COPB1: variants seen among roughly 807,000 people sequenced by gnomAD.
The protein encoded by COPB1 is coatomer subunit beta.
In COPB1, 21 loss-of-function variants were observed where a neutral mutation model predicts 108.7. The observed-to-expected ratio is 0.19, with a 90% CI of 0.14 to 0.28. COPB1 has a LOEUF of 0.28. Ranked by LOEUF, COPB1 falls within the 10% of genes least tolerant of loss-of-function variation. COPB1 has a pLI of 1.00. For missense variants in COPB1, 919 were observed against 1,141.3 expected (o/e 0.81, Z 2.81); for synonymous variants, 378 against 386.8 (o/e 0.98, Z 0.27).
At position 14,469,583 on chromosome 11, in the gene COPB1, G is replaced by A. The variant is rs1458390014; in HGVS notation, c.1738-20C>T. ...AAAAGACTAAGAAAGTAAAGAAATC[G>A]GTTACTGATATTGTCTTGATTCTCA... is the stretch of plus-strand genomic sequence containing the variant. On this transcript the variant is annotated intron_variant, in intron 14 of 21. Transcript: ENST00000439561. 1.7e-5 allele frequency: 27 copies of A among 1,587,620 alleles called. No homozygotes were observed. Among genetic ancestry groups the A allele is most frequent in the Middle Eastern group, 1.7e-4 (1 of 6,032 alleles).
intron 10 of COPB1, 141 bp from the exon 11 acceptor site, chr11:14,479,855 G>C: frequency 1.2e-6 from 1 of 812,024 alleles, no homozygotes; most frequent in Non-Finnish European, 1.9e-6. Context: ...CCAGGCTAGA[G>C]AATAGTGGCA....
intron 5 of COPB1, among the ~76,000 whole-genome samples, chr11:14,490,179 C>T (rs530577340): frequency 9.2e-5 from 14 of 152,276 alleles, no homozygotes; most frequent in African/African-American, 3.4e-4. Flanking sequence ...AAAGGATACA[C>T]CTCTACACTG....
chr11:14,482,482 C>CA (rs1251692886), intron 8 of COPB1, among the ~76,000 whole-genome samples: 1 of 152,022 alleles, frequency 6.6e-6, no homozygotes, highest in Non-Finnish European at 1.5e-5. Flanking sequence ...TAAGAATAGT[C>CA]AATACAGTAC....
chr11:14,463,324 T>G (rs1405694439), intron 18 of COPB1, among the ~76,000 whole-genome samples: 1 of 152,186 alleles, frequency 6.6e-6, no homozygotes, highest in African/African-American at 2.4e-5. Flanking sequence ...TTTTACTTAT[T>G]TATTTATTTT....
Position 14,475,965 on chromosome 11 carries a change from A to C in COPB1, c.1456-20T>G, listed in dbSNP as rs757105310. 18 of 1,564,384 alleles carry C rather than the reference A, an allele frequency of 1.2e-5. No homozygotes were observed. The highest frequency in any genetic ancestry group is 1.6e-5 in the Non-Finnish European group (18 of 1,158,130). ...TGGGATCTAAAAGTCAATTGGAAAC[A>C]TCATTTTAGTAATAGTATCAACAGC... On this transcript the variant is annotated intron_variant, in intron 12 of 21. Coordinates refer to ENST00000439561, the MANE Select transcript of COPB1 (RefSeq NM_001144061.2).
At chr11:14,494,642 G>T (rs879268966) in intron 2 of COPB1, 39 of 492,108 alleles carry the variant, frequency 7.9e-5, no homozygotes, top group Non-Finnish European at 1.0e-4. Context: ...TTTATCTCTG[G>T]AAATCAGACT....
At position 14,497,512 on chromosome 11, in the gene COPB1, A is replaced by G. The variant is rs192046762; in HGVS notation, c.91+1326T>C. On this transcript the variant is annotated intron_variant, in intron 2 of 21. Coordinates refer to ENST00000439561, the MANE Select transcript of COPB1 (RefSeq NM_001144061.2). ...GAGATATCATCTCACCCCAGTTAAA[A>G]TGGCTTTTATCCAAAAGACAAGCAA... Among the ~76,000 whole-genome samples the G allele has an allele frequency of 2.0e-5, 3 of 152,342 alleles. No individual in the cohort carries two copies. The East Asian group carries it at 5.8e-4, about 29-fold the overall frequency.
Position 14,466,367 on chromosome 11 carries a change from G to A in COPB1, c.2205C>T (p.Asn735=), listed in dbSNP as rs780902431. The A allele has an allele frequency of 3.1e-6, 5 of 1,613,342 alleles. No individual in the cohort carries two copies. ...PVYAEAYVHV[N]QYDIVLDVLV... ...GTACATCCAGGACAATATCATATTG[G>A]TTGACATGAACGTAAGCTTCTGCAT... Residue 735 remains asparagine, a synonymous_variant, in exon 17 of 22, where the codon AAC becomes AAT. Transcript: ENST00000439561.
intron 11 of COPB1, among the ~76,000 whole-genome samples, chr11:14,478,311 A>C (rs1244605256): frequency 1.3e-5 from 2 of 151,660 alleles, no homozygotes; most frequent in Admixed American, 1.3e-4. Context: ...ACTGTGGCTC[A>C]CACCTGTAAT....
intron 8 of COPB1, 59 bp from the exon 9 acceptor site, chr11:14,481,156 T>A: frequency 7.9e-7 from 1 of 1,264,572 alleles, no homozygotes; most frequent in Non-Finnish European, 1.1e-6. Context: ...AGGAAAAAAA[T>A]CTTCACTGCA....
At chr11:14,478,334 G>A (rs765841574) in intron 11 of COPB1, among the ~76,000 whole-genome samples, 4 of 151,178 alleles carry the variant, frequency 2.6e-5, no homozygotes, top group African/African-American at 4.8e-5. Flanking sequence ...CAGCATCTGG[G>A]GAGGATGAGG....
chr11:14,472,326 T>C (rs766487548), intron 14 of COPB1, among the ~76,000 whole-genome samples: 4 of 152,268 alleles, frequency 2.6e-5, no homozygotes, highest in Non-Finnish European at 5.9e-5. Flanking sequence ...CTTTTATTTC[T>C]GAGCAGTAGG....
chr11:14,490,386 A>G (rs1255928656), intron 5 of COPB1, among the ~76,000 whole-genome samples, 179 bp downstream of exon 5: 1 of 152,234 alleles, frequency 6.6e-6, no homozygotes, highest in Non-Finnish European at 1.5e-5. Context: ...TACATATGCA[A>G]TATTTTAGAG....
rs561919523 is a variant in COPB1, at chr11:14,494,456, T to A, written c.92-17A>T. ...CTCCTTTTTCTGAATCAAAAATTTTTTTAAAAAAAAGCACAATTATTTCAA... is the reference window on the plus strand; with the variant it reads ...CTCCTTTTTCTGAATCAAAAATTTTATTAAAAAAAAGCACAATTATTTCAA... On this transcript the variant is annotated splice_polypyrimidine_tract_variant and intron_variant, in intron 2 of 21. Coordinates refer to ENST00000439561, the MANE Select transcript of COPB1 (RefSeq NM_001144061.2). 1,666 of 1,376,552 alleles carry A rather than the reference T, an allele frequency of 1.2e-3. 11 individuals carry two copies. The African/African-American group carries it at 0.021, about 18-fold the overall frequency. 85.3% of individuals were successfully genotyped at this position (1,376,552 alleles called of 1,614,324 possible). A position where few individuals can be genotyped will look rare whatever the true frequency, so the allele number is the denominator to read the frequency against.
intron 7 of COPB1, among the ~76,000 whole-genome samples, chr11:14,485,677 T>C (rs543815783): frequency 1.8e-4 from 27 of 152,158 alleles, no homozygotes; most frequent in African/African-American, 5.8e-4. Flanking sequence ...TGAAACTCCA[T>C]CTCTACTAAA....
chr11:14,476,569 C>A (rs1047534231), intron 12 of COPB1, among the ~76,000 whole-genome samples: 4 of 152,078 alleles, frequency 2.6e-5, no homozygotes, highest in Non-Finnish European at 5.9e-5. Context: ...AGCTAACTGT[C>A]GACACAACAA....
At chr11:14,474,749 A>C in intron 13 of COPB1, 134 bp from the exon 14 acceptor site, 1 of 1,250,950 alleles carries the variant, frequency 8.0e-7, no homozygotes, top group Non-Finnish European at 1.1e-6. Context: ...TAGCTAACTA[A>C]CTCCTTAGCT....
chr11:14,457,712 A>G lies in COPB1; in HGVS notation c.*112T>C. On this transcript the variant is annotated 3_prime_UTR_variant, in exon 22 of 22. Coordinates refer to ENST00000439561, the MANE Select transcript of COPB1 (RefSeq NM_001144061.2). ...GGCTATAAATTATTGGCTGAAAAGT[A>G]TTCAGCATGAACTCAGATTCTATAT... is the stretch of plus-strand genomic sequence containing the variant. The G allele has an allele frequency of 1.4e-6, 1 of 729,168 alleles. No individual in the cohort carries two copies. The highest frequency in any genetic ancestry group is 2.4e-6 in the Non-Finnish European group (1 of 409,516). The allele number at this position is 729,168 out of a possible 1,614,324, so 45.2% of individuals were successfully genotyped here.
In COPB1 at chr11:14,490,557, T is replaced by C; in HGVS notation, c.606+8A>G. On this transcript the variant is annotated splice_region_variant and intron_variant, in intron 5 of 21. Coordinates refer to ENST00000439561, the MANE Select transcript of COPB1 (RefSeq NM_001144061.2). ...AGTAATAAGAGTATTTTTTAAAAAG[T>C]ACCTCACCTGATCTGCATGAATTAG... 1 of 1,533,764 alleles carries C rather than the reference T, an allele frequency of 6.5e-7. No homozygotes were observed. Among genetic ancestry groups the C allele is most frequent in the Non-Finnish European group, 9.0e-7 (1 of 1,114,254 alleles).
Sources: allele counts gnomAD v4.1 joint callset (sites outside exome capture counted in the v4.1 genomes callset), GRCh38; gene constraint gnomAD v4.1.1; transcripts MANE v1.5; gene names NCBI Gene and HGNC (gene_info 2026-07-23, HGNC 2026-07-21).